Variants in AGAP1 observed in about 807,000 individuals in gnomAD.
AGAP1 encodes the protein arf-GAP with GTPase, ANK repeat and PH domain-containing protein 1.
Under a neutral mutation model 105.3 loss-of-function variants are expected in AGAP1, and 29 were observed. The ratio of observed to expected loss-of-function variants is 0.28; its 90% CI spans 0.21 to 0.38. AGAP1 has a LOEUF of 0.38. AGAP1 is among the 10% of genes least tolerant of loss of function. The pLI, the probability that AGAP1 is intolerant of heterozygous loss-of-function variation, is 1.00. For missense variants in AGAP1, 998 were observed against 1,165.1 expected (o/e 0.86, Z 2.09); for synonymous variants, 509 against 485.9 (o/e 1.05, Z -0.63).
In AGAP1 at chr2:235,770,554, G is replaced by A. The variant is rs185557633; in HGVS notation, c.673+20066G>A. 1.3e-3 allele frequency among the ~76,000 whole-genome samples: 195 copies of A among 152,226 alleles called. 3 individuals are homozygous for A. The East Asian group carries it at 0.028, about 22-fold the overall frequency. ...GTGATTCTCAAGTGGGGGCTCCGGA[G>A]GGTTCCTGCATTGCCCATGATGGAT... On this transcript the variant is annotated intron_variant, in intron 6 of 17. Transcript: ENST00000304032.
At position 236,127,045 on chromosome 2, in the gene AGAP1, T is replaced by G. The variant is rs1244619616; in HGVS notation, c.*2923T>G. The G allele has an allele frequency of 6.6e-6, 1 of 152,246 alleles. No individual in the cohort carries two copies. The highest frequency in any genetic ancestry group is 1.5e-5 in the Non-Finnish European group (1 of 68,128). 9.4% of individuals were successfully genotyped at this position (152,246 alleles called of 1,614,324 possible). ...CCCCCTCACCTTTCCTGTTCAGAAT[T>G]AAAACTCTCCCTTGATGAGAAACAG... is the stretch of plus-strand genomic sequence containing the variant. On this transcript the variant is annotated 3_prime_UTR_variant, in exon 18 of 18. Transcript: ENST00000304032. The surrounding 1 kb of genome is among the most constrained non-coding windows in gnomAD (Gnocchi z 6.6).
In AGAP1 at chr2:235,574,676, G is replaced by A. The variant is rs1278841679; in HGVS notation, c.163+79827G>A. On this transcript the variant is annotated intron_variant, in intron 1 of 17. Coordinates refer to ENST00000304032, the MANE Select transcript of AGAP1 (RefSeq NM_001037131.3). This position sits in a 1 kb window ranked among gnomAD's most constrained non-coding sequence, Gnocchi z 5.0. ...AGTCATGTGCATTTGACCCCTAAAAGGAAGGTCTTTTGCTTTTTAAAGAGA... is the reference window on the plus strand; with the variant it reads ...AGTCATGTGCATTTGACCCCTAAAAAGAAGGTCTTTTGCTTTTTAAAGAGA... Among the ~76,000 whole-genome samples, 1 of 152,144 alleles carries A rather than the reference G, an allele frequency of 6.6e-6. No homozygotes were observed. The highest frequency in any genetic ancestry group is 1.5e-5 in the Non-Finnish European group (1 of 68,028).
Position 235,909,003 on chromosome 2 carries a change from G to A in AGAP1, c.1324+97G>A. 5 of 1,173,244 alleles carry A rather than the reference G, an allele frequency of 4.3e-6. No homozygotes were observed. In the South Asian group the frequency reaches 6.3e-5, roughly 15 times the overall value. 72.7% of individuals were successfully genotyped at this position (1,173,244 alleles called of 1,614,324 possible). ...TGGACTCCTAGGTTAAGTGGAGACA[G>A]TAACTATCACATTACAGATTAAGGT... is the stretch of plus-strand genomic sequence containing the variant. On this transcript the variant is annotated intron_variant, in intron 11 of 17. Coordinates refer to ENST00000304032, the MANE Select transcript of AGAP1 (RefSeq NM_001037131.3).
At chr2:235,684,381 C>T (rs902859392) in intron 1 of AGAP1, among the ~76,000 whole-genome samples, 2 of 152,138 alleles carry the variant, frequency 1.3e-5, no homozygotes, top group African/African-American at 2.4e-5. Flanking sequence ...CCCAGCCCAT[C>T]GTGGCCTGGT....
At position 236,101,813 on chromosome 2, in the gene AGAP1, C is replaced by T. The variant is rs2059353372; in HGVS notation, c.2115-18379C>T. 6.6e-6 allele frequency among the ~76,000 whole-genome samples: 1 copy of T among 152,242 alleles called. No individual in the cohort carries two copies. Among genetic ancestry groups the T allele is most frequent in the South Asian group, 2.1e-4 (1 of 4,836 alleles). ...GCCTCACCCCGCTGGCTCGGGCTCC[C>T]TCTCACTGGGTACACATTTATCGGG... On this transcript the variant is annotated intron_variant, in intron 16 of 17. Transcript: ENST00000304032. The surrounding 1 kb of genome is among the most constrained non-coding windows in gnomAD (Gnocchi z 4.9).
rs528734591 is a variant in AGAP1 at position 235,514,993 on chromosome 2, A to G, written c.163+20144A>G. Among the ~76,000 whole-genome samples the G allele has an allele frequency of 9.2e-4, 140 of 152,334 alleles. 1 individual carries two copies. Among genetic ancestry groups the G allele is most frequent in the African/African-American group, 3.2e-3 (134 of 41,576 alleles). On this transcript the variant is annotated intron_variant, in intron 1 of 17. Coordinates refer to ENST00000304032, the MANE Select transcript of AGAP1 (RefSeq NM_001037131.3). ...TCAGGCCATTGAGGTTGCCATGGCC[A>G]CCATTTTGGGAATCTTTTCTTTGGG... is the stretch of plus-strand genomic sequence containing the variant.
rs370588319 is a variant in AGAP1, at chr2:235,612,694, C to T, written c.164-96485C>T. Among the ~76,000 whole-genome samples the T allele has an allele frequency of 2.6e-5, 4 of 151,906 alleles. No homozygotes were observed. In the East Asian group the frequency reaches 5.8e-4, roughly 22 times the overall value. On this transcript the variant is annotated intron_variant, in intron 1 of 17. Transcript: ENST00000304032. This position sits in a 1 kb window ranked among gnomAD's most constrained non-coding sequence, Gnocchi z 4.3. Reference sequence around the variant, plus strand: ...ACCAGCGCATCCAGGGTTGCTTGGGCACAGTGGTCCTTTTGCATGGGGTGG... The same window carrying T: ...ACCAGCGCATCCAGGGTTGCTTGGGTACAGTGGTCCTTTTGCATGGGGTGG...
intron 11 of AGAP1, among the ~76,000 whole-genome samples, chr2:235,915,656 A>C (rs1226752295): frequency 1.3e-5 from 2 of 152,240 alleles, no homozygotes; most frequent in Non-Finnish European, 2.9e-5. Flanking sequence ...CCTGGGCAAC[A>C]GAGTGAGGCC....
At position 235,599,665 on chromosome 2, in the gene AGAP1, A is replaced by G. The variant is rs901268021; in HGVS notation, c.163+104816A>G. Among the ~76,000 whole-genome samples the G allele has an allele frequency of 9.2e-5, 14 of 152,088 alleles. No homozygotes were observed. The highest frequency in any genetic ancestry group is 3.1e-4 in the African/African-American group (13 of 41,402). ...CTCGTAGAGCCTGTTTTCATCCTTC[A>G]GAGGAATCCTGCAGTCCACTTGCCC... On this transcript the variant is annotated intron_variant, in intron 1 of 17. Transcript: ENST00000304032. This position sits in a 1 kb window ranked among gnomAD's most constrained non-coding sequence, Gnocchi z 5.3.
intron 6 of AGAP1, among the ~76,000 whole-genome samples, chr2:235,770,557 T>C (rs3108498): frequency 0.28 from 43,191 of 151,986 alleles, 6,436 homozygotes; most frequent in Admixed American, 0.41. Flanking sequence ...CTCCGGAGGG[T>C]TCCTGCATTG....
chr2:235,762,914 A>C (rs1301900937), intron 6 of AGAP1, among the ~76,000 whole-genome samples: 1 of 152,156 alleles, frequency 6.6e-6, no homozygotes, highest in African/African-American at 2.4e-5. Context: ...ACCTTCAGTG[A>C]GTACGTTGGA....
At chr2:235,881,423 T>C (rs1474630788) in intron 9 of AGAP1, among the ~76,000 whole-genome samples, 1 of 152,224 alleles carries the variant, frequency 6.6e-6, no homozygotes, top group Non-Finnish European at 1.5e-5. Context: ...CCAGGTGAAT[T>C]AACTAGCCTG....
rs573302130 is a variant in AGAP1, at chr2:235,729,360, C to T, written c.311-11603C>T. On this transcript the variant is annotated intron_variant, in intron 3 of 17. Transcript: ENST00000304032. This position sits in a 1 kb window ranked among gnomAD's most constrained non-coding sequence, Gnocchi z 5.0. The stretch of plus-strand genomic sequence containing the variant: ...ATCTCGGCTGGGAGCCCCAGGGAGC[C>T]TGGCAGTACCTCAGTGGCAGATGCA... 6.6e-6 allele frequency among the ~76,000 whole-genome samples: 1 copy of T among 152,072 alleles called. No individual in the cohort carries two copies. Among genetic ancestry groups the T allele is most frequent in the African/African-American group, 2.4e-5 (1 of 41,434 alleles).
chr2:235,501,205 C>T (rs1392108455), intron 1 of AGAP1, among the ~76,000 whole-genome samples: 2 of 152,180 alleles, frequency 1.3e-5, no homozygotes, highest in African/African-American at 2.4e-5. Flanking sequence ...TTCTGCGACA[C>T]GGTGGCATGT....
rs1037367806 is a variant in AGAP1 at position 235,943,082 on chromosome 2, G to A, written c.1483+12159G>A. On this transcript the variant is annotated intron_variant, in intron 12 of 17. Coordinates refer to ENST00000304032, the MANE Select transcript of AGAP1 (RefSeq NM_001037131.3). The stretch of plus-strand genomic sequence containing the variant: ...TGTTTTGTGTTCTCAACATTAGAAC[G>A]TCTGATTTTATAATGTACATTTTGA... Among the ~76,000 whole-genome samples the A allele has an allele frequency of 5.9e-5, 9 of 152,204 alleles. No individual in the cohort carries two copies. In the East Asian group the frequency reaches 7.7e-4, roughly 13 times the overall value.
rs929686111 is a variant in AGAP1, at chr2:235,728,137, G to A, written c.310+10493G>A. 2.0e-5 allele frequency among the ~76,000 whole-genome samples: 3 copies of A among 152,174 alleles called. No individual in the cohort carries two copies. Among genetic ancestry groups the A allele is most frequent in the African/African-American group, 7.2e-5 (3 of 41,442 alleles). On this transcript the variant is annotated intron_variant, in intron 3 of 17. Coordinates refer to ENST00000304032, the MANE Select transcript of AGAP1 (RefSeq NM_001037131.3). The surrounding 1 kb of genome is among the most constrained non-coding windows in gnomAD (Gnocchi z 4.3). ...CCAAGGGCCAGGACGATGGAGACAA[G>A]GGAAGTAGAAGTTGAAAGAAACTCC...
intron 13 of AGAP1, among the ~76,000 whole-genome samples, chr2:236,034,550 C>T (rs141383243): frequency 1.9e-4 from 29 of 152,266 alleles, no homozygotes; most frequent in Admixed American, 7.2e-4. Context: ...GACCTCTTGT[C>T]ACCAGCTCTC....
chr2:235,796,534 G>A (rs1005269208), intron 6 of AGAP1, among the ~76,000 whole-genome samples: 2 of 152,162 alleles, frequency 1.3e-5, no homozygotes, highest in African/African-American at 4.8e-5. Context: ...TGTAACTAAT[G>A]AAGCTGCTTC....
At chr2:235,618,610 T>C (rs897605753) in intron 1 of AGAP1, among the ~76,000 whole-genome samples, 1 of 152,240 alleles carries the variant, frequency 6.6e-6, no homozygotes, top group Non-Finnish European at 1.5e-5. Flanking sequence ...GGTCCATTTT[T>C]AAGCTTATAT....
Sources: allele counts gnomAD v4.1 joint callset (sites outside exome capture counted in the v4.1 genomes callset), GRCh38; gene constraint gnomAD v4.1.1; non-coding constraint Gnocchi (gnomAD v3.1); transcripts MANE v1.5; gene names NCBI Gene and HGNC (gene_info 2026-07-23, HGNC 2026-07-21).